The following NGLY1 variants were observed in gnomAD, a reference collection of about 807,000 sequenced individuals.
NGLY1 encodes peptide-N(4)-(N-acetyl-beta-glucosaminyl)asparagine amidase.
Under a neutral mutation model 84.6 loss-of-function variants are expected in NGLY1, and 68 were observed. That is an observed-to-expected ratio of 0.80 (90% CI 0.66 to 0.98). The LOEUF (loss-of-function observed/expected upper bound fraction) is 0.98, where lower values mean the gene tolerates loss of function less well. Among genes scored for constraint, NGLY1 ranks in the 50% least tolerant of loss-of-function variants. NGLY1 has a pLI of 0.00. For synonymous variants in NGLY1, 280 were observed against 275.2 expected (o/e 1.02, Z -0.17); for missense variants, 779 against 770.2 (o/e 1.01, Z -0.14).
intron 7 of NGLY1, chr3:25,734,193 G>A (rs1041100667): frequency 4.0e-6 from 2 of 501,192 alleles, no homozygotes; most frequent in Admixed American, 3.7e-5. Context: ...AGCCTCCTGA[G>A]TAGCTGGGAC....
intron 3 of NGLY1, chr3:25,755,453 G>A: frequency 6.8e-7 from 1 of 1,467,154 alleles, no homozygotes; most frequent in African/African-American, 1.4e-5. Flanking sequence ...TCCAATGTCA[G>A]TGACAAGCCA....
At chr3:25,789,040 A>G (rs970197220) in intron 1 of NGLY1, among the ~76,000 whole-genome samples, 17 of 152,246 alleles carry the variant, frequency 1.1e-4, no homozygotes, top group Admixed American at 3.9e-4. Flanking sequence ...TGAAGATTCT[A>G]TGCTCAACCA....
chr3:25,719,882 A>ATT (rs5847370), intron 11 of NGLY1, 132 bp downstream of exon 11: 37,352 of 579,618 alleles, frequency 0.064, 1 homozygote, highest in Non-Finnish European at 0.074. Flanking sequence ...GGTTTATTAA[A>ATT]TTTTTTTTTT....
chr3:25,742,335 T>G (rs144105069), intron 4 of NGLY1, among the ~76,000 whole-genome samples: 1 of 152,110 alleles, frequency 6.6e-6, no homozygotes, highest in Admixed American at 6.5e-5. Context: ...AATAGGGAAT[T>G]GTATAAATAA....
chr3:25,759,215 T>C (rs190461910), intron 3 of NGLY1, among the ~76,000 whole-genome samples: 1 of 151,098 alleles, frequency 6.6e-6, no homozygotes, highest in African/African-American at 2.4e-5. Flanking sequence ...ACAGAAGAGA[T>C]GGGTACAACA....
intron 8 of NGLY1, 28 bp from the exon 9 acceptor site, chr3:25,732,511 G>T: frequency 6.3e-7 from 1 of 1,592,772 alleles, no homozygotes; most frequent in Non-Finnish European, 8.6e-7. Flanking sequence ...TAAAAAAGTT[G>T]TTAAGATTAG....
rs539441260 is a variant in NGLY1, at chr3:25,773,988, T to G, written c.246+4586A>C. On this transcript the variant is annotated intron_variant, in intron 2 of 11. Coordinates refer to ENST00000280700, the MANE Select transcript of NGLY1 (RefSeq NM_018297.4). ...GTGATCTGTCTTCAAGTCTCAGCCA[T>G]AGATACCAGTACCTACTCTGATGGA... Among the ~76,000 whole-genome samples the G allele has an allele frequency of 2.0e-5, 3 of 152,328 alleles. No homozygotes were observed. In the South Asian group the frequency reaches 6.2e-4, roughly 32 times the overall value.
intron 2 of NGLY1, among the ~76,000 whole-genome samples, chr3:25,776,442 C>A (rs1708158151): frequency 6.6e-6 from 1 of 152,172 alleles, no homozygotes. Flanking sequence ...TTTCCTTGAA[C>A]AAGGAATTTT....
At chr3:25,767,310 A>G (rs1362435272) in intron 2 of NGLY1, among the ~76,000 whole-genome samples, 1 of 151,998 alleles carries the variant, frequency 6.6e-6, no homozygotes, top group Non-Finnish European at 1.5e-5. Flanking sequence ...AAAAAAAGAA[A>G]TCAAAAAGAA....
intron 10 of NGLY1, among the ~76,000 whole-genome samples, chr3:25,721,764 A>G (rs905963660): frequency 6.6e-6 from 1 of 150,652 alleles, no homozygotes; most frequent in Non-Finnish European, 1.5e-5. Context: ...AAAAAAAAAA[A>G]AAAAAAAAAA....
chr3:25,766,835 G>A (rs1445017845), intron 2 of NGLY1, among the ~76,000 whole-genome samples: 2 of 152,128 alleles, frequency 1.3e-5, no homozygotes, highest in Non-Finnish European at 2.9e-5. Flanking sequence ...CAGATACGCT[G>A]CTCATGCCAT....
chr3:25,748,400 T>G (rs1195058389), intron 4 of NGLY1, among the ~76,000 whole-genome samples: 1 of 152,154 alleles, frequency 6.6e-6, no homozygotes, highest in Non-Finnish European at 1.5e-5. Flanking sequence ...CTGGAGGAAT[T>G]TGAAGCCTCT....
At chr3:25,726,720 A>G (rs1027235715) in intron 10 of NGLY1, among the ~76,000 whole-genome samples, 1 of 152,186 alleles carries the variant, frequency 6.6e-6, no homozygotes, top group African/African-American at 2.4e-5. Context: ...AAGTTTTTGT[A>G]AATGTTTCTT....
intron 4 of NGLY1, among the ~76,000 whole-genome samples, chr3:25,747,062 A>G (rs951808660): frequency 2.0e-5 from 3 of 152,156 alleles, no homozygotes; most frequent in Admixed American, 6.6e-5. Context: ...TCTACAACAT[A>G]ATGTTTTAAA....
At chr3:25,789,926 T>C (rs369325985) in exon 1 of NGLY1, 10 of 1,549,668 alleles carry the variant, frequency 6.5e-6, no homozygotes, top group African/African-American at 5.5e-5. Context: ...GGGGCGTCTC[T>C]GCTCACGCAA....
intron 4 of NGLY1, among the ~76,000 whole-genome samples, chr3:25,745,822 T>G (rs965071688): frequency 7.2e-5 from 11 of 152,216 alleles, no homozygotes; most frequent in Non-Finnish European, 1.5e-4. Context: ...AGAGTTTCAA[T>G]AGTCAATCCT....
At position 25,719,306 on chromosome 3, in the gene NGLY1, A is replaced by G. The variant is rs770629842; in HGVS notation, c.*154T>C. 7.6e-6 allele frequency: 4 copies of G among 525,798 alleles called. No individual in the cohort carries two copies. Among genetic ancestry groups the G allele is most frequent in the Non-Finnish European group, 1.4e-5 (4 of 294,118 alleles). The allele number at this position is 525,798 out of a possible 1,614,324, so 32.6% of individuals were successfully genotyped here. On this transcript the variant is annotated 3_prime_UTR_variant, in exon 12 of 12. Transcript: ENST00000280700. ...TTCAATATTTTATTATAGTCCACGT[A>G]TAAAGATAATTTTCATGAGGGTTAC... is the stretch of plus-strand genomic sequence containing the variant.
intron 6 of NGLY1, 104 bp from the exon 7 acceptor site, chr3:25,736,253 A>C: frequency 6.4e-7 from 1 of 1,552,774 alleles, no homozygotes; most frequent in Non-Finnish European, 8.7e-7. Context: ...GTAATGCATA[A>C]TATTCTGAAT....
At chr3:25,778,718 T>TA (rs760875539) in intron 1 of NGLY1, 30 bp from the exon 2 acceptor site, 107 of 1,392,126 alleles carry the variant, frequency 7.7e-5, no homozygotes, top group Admixed American at 1.7e-4. Flanking sequence ...TGATTATATA[T>TA]AAAAAAAACC....
Sources: gnomAD v4.1 joint callset for allele counts (sites outside exome capture counted in the v4.1 genomes callset) on GRCh38, gnomAD v4.1.1 for gene constraint, MANE v1.5 for transcripts, NCBI Gene and HGNC (gene_info 2026-07-23, HGNC 2026-07-21) for gene names.